MPRIP: variants seen among roughly 807,000 people sequenced by gnomAD.
MPRIP encodes the protein myosin phosphatase Rho interacting protein.
A neutral mutation model predicts 234.9 loss-of-function variants in MPRIP; 59 were observed. That is an observed-to-expected ratio of 0.25 (90% CI 0.20 to 0.31). The LOEUF (loss-of-function observed/expected upper bound fraction) is 0.31, where lower values mean the gene tolerates loss of function less well. Among genes scored for constraint, MPRIP ranks in the 10% least tolerant of loss-of-function variants. The pLI, the probability that MPRIP is intolerant of heterozygous loss-of-function variation, is 1.00. For missense variants in MPRIP, 2,436 were observed against 3,071.0 expected, an observed-to-expected ratio of 0.79 and a Z score of 4.89; for synonymous variants, 1,144 against 1,263.9, an observed-to-expected ratio of 0.91 and a Z score of 2.01.
rs1024018057 is a variant in MPRIP, at chr17:17,138,249, T to G, written c.1070T>G (p.Leu357Arg). 4 of 563,166 alleles carry G rather than the reference T, an allele frequency of 7.1e-6. No homozygotes were observed. 34.9% of individuals were successfully genotyped at this position (563,166 alleles called of 1,614,324 possible). A position where few individuals can be genotyped will look rare whatever the true frequency, so the allele number is the denominator to read the frequency against. The stretch of plus-strand genomic sequence containing the variant: ...ACTAGGGGGCGGGGGACAGAGAGAC[T>G]GGGGAGCGCCTTTGCCTTTAAAGCC... The part of the protein sequence containing the change: ...GSTRGRGTER[L>R]GSAFAFKASR... The change falls in exon 7 of 24, where the codon CTG becomes CGG. Residue 357 changes from leucine (L) to arginine (R), a missense_variant. Transcript: ENST00000651222. This position sits in a 1 kb window ranked among gnomAD's most constrained non-coding sequence, Gnocchi z 5.8.
chr17:17,085,237 G>GAAGCCC (rs2089559567), intron 3 of MPRIP, among the ~76,000 whole-genome samples: 1 of 152,208 alleles, frequency 6.6e-6, no homozygotes, highest in African/African-American at 2.4e-5. Flanking sequence ...CGGACCACAG[G>GAAGCCC]AAGCCCTGTG....
Position 17,165,075 on chromosome 17 carries a change from C to G in MPRIP, c.3484C>G (p.Leu1162Val). The change falls in exon 16 of 24, where the codon CTG becomes GTG. Residue 1162 changes from leucine to valine, a missense_variant. Coordinates refer to ENST00000651222, the MANE Select transcript of MPRIP (RefSeq NM_001364716.4). ...VSSQLQSMHT[L>V]LREKEEELER... Reference sequence around the variant, plus strand: ...CAGCCAGCTGCAGAGCATGCACACTCTGCTGAGAGAGAAGGAGGAAGAGCT... The same window carrying G: ...CAGCCAGCTGCAGAGCATGCACACTGTGCTGAGAGAGAAGGAGGAAGAGCT... 1 of 1,303,282 alleles carries G rather than the reference C, an allele frequency of 7.7e-7. No individual in the cohort carries two copies. Among genetic ancestry groups the G allele is most frequent in the Non-Finnish European group, 1.0e-6 (1 of 988,964 alleles). 80.7% of individuals were successfully genotyped at this position (1,303,282 alleles called of 1,614,324 possible). A position where few individuals can be genotyped will look rare whatever the true frequency, so the allele number is the denominator to read the frequency against.
intron 12 of MPRIP, among the ~76,000 whole-genome samples, chr17:17,152,797 G>A (rs1413275150): frequency 1.3e-5 from 2 of 152,222 alleles, no homozygotes; most frequent in East Asian, 1.9e-4. Flanking sequence ...AGGCTGGCAC[G>A]GTAAAGCTGG....
rs921152099 is a variant in MPRIP, at chr17:17,173,970, G to T, written c.6645G>T (p.Ser2215=). Residue 2215 remains serine, a synonymous_variant, in exon 19 of 24, where the codon TCG becomes TCT. Transcript: ENST00000651222. The part of the protein sequence containing the change: ...RELEVLSEQY[S]QKCLENAHLA... ...TGGAGGTCCTCTCGGAGCAGTACTC[G>T]CAGAAGTGCCTGGAGAATGCCCATC... 1 of 1,613,718 alleles carries T rather than the reference G, an allele frequency of 6.2e-7. No individual in the cohort carries two copies. Among genetic ancestry groups the T allele is most frequent in the Non-Finnish European group, 8.5e-7 (1 of 1,180,030 alleles).
At chr17:17,096,292 T>G (rs1278732903) in intron 3 of MPRIP, among the ~76,000 whole-genome samples, 2 of 1,854 alleles carry the variant, frequency 1.1e-3, no homozygotes, top group African/African-American at 2.8e-3. Flanking sequence ...GTGCAGGGTG[T>G]GTGTGTGTGT....
chr17:17,060,671 G>C (rs2088842189), intron 1 of MPRIP, among the ~76,000 whole-genome samples: 1 of 152,206 alleles, frequency 6.6e-6, no homozygotes, highest in Admixed American at 6.5e-5. Flanking sequence ...CCTCCCTGCA[G>C]AATGCATTCC....
rs1222820907 is a variant in MPRIP, at chr17:17,189,436, G to C, written c.*4542G>C. On this transcript the variant is annotated 3_prime_UTR_variant, in exon 24 of 24. Coordinates refer to ENST00000651222, the MANE Select transcript of MPRIP (RefSeq NM_001364716.4). Reference sequence around the variant, plus strand: ...GATTTCCTGACCTCGTGATCCGCCTGTCTCGGCCTCCCAAAGTGCTGGGAT... The same window carrying C: ...GATTTCCTGACCTCGTGATCCGCCTCTCTCGGCCTCCCAAAGTGCTGGGAT... The C allele has an allele frequency of 2.0e-5, 3 of 151,876 alleles. No individual in the cohort carries two copies. Among genetic ancestry groups the C allele is most frequent in the African/African-American group, 7.3e-5 (3 of 41,348 alleles). 9.4% of individuals were successfully genotyped at this position (151,876 alleles called of 1,614,324 possible).
intron 3 of MPRIP, among the ~76,000 whole-genome samples, chr17:17,086,797 C>G (rs866806860): frequency 2.0e-5 from 3 of 152,160 alleles, no homozygotes; most frequent in African/African-American, 7.2e-5. Context: ...TGAAAGTTCA[C>G]CCATTTGAGT....
chr17:17,142,768 G>A lies in MPRIP; in HGVS notation c.1389+3G>A. ...AGAGGGCGTTCCCTAGGAAGCGGGT[G>A]AGCTCCTGGGGCTGGGCAGCACCTC... On this transcript the variant is annotated splice_donor_region_variant and intron_variant, in intron 8 of 23. Coordinates refer to ENST00000651222, the MANE Select transcript of MPRIP (RefSeq NM_001364716.4). 6.2e-7 allele frequency: 1 copy of A among 1,611,932 alleles called. No homozygotes were observed. Among genetic ancestry groups the A allele is most frequent in the Non-Finnish European group, 8.5e-7 (1 of 1,179,478 alleles).
intron 5 of MPRIP, among the ~76,000 whole-genome samples, chr17:17,135,531 A>C (rs1426577110): frequency 6.6e-6 from 1 of 151,998 alleles, no homozygotes; most frequent in Non-Finnish European, 1.5e-5. Flanking sequence ...AATAATAGAA[A>C]TTTTTCTCAC....
chr17:17,148,329 TG>T lies in MPRIP; in HGVS notation c.1629+944del, dbSNP rs200460603. The stretch of plus-strand genomic sequence containing the variant: ...CCCTGAGGCCCTTTCAGGAGAGCAG[TG>T]GTGGTTAAAATAATTTGTAATATTA... On this transcript the variant is annotated intron_variant, in intron 11 of 23. Transcript: ENST00000651222. Among the ~76,000 whole-genome samples the T allele has an allele frequency of 5.9e-5, 9 of 152,162 alleles. No homozygotes were observed. In the East Asian group the frequency reaches 1.4e-3, roughly 23 times the overall value.
chr17:17,065,799 T>C (rs1350985009), intron 1 of MPRIP, among the ~76,000 whole-genome samples: 1 of 152,214 alleles, frequency 6.6e-6, no homozygotes, highest in Admixed American at 6.5e-5. Context: ...ACACATTATG[T>C]CTCTCTTATT....
intron 23 of MPRIP, chr17:17,181,759 C>T (rs1162856044): frequency 2.0e-5 from 3 of 152,168 alleles, no homozygotes; most frequent in Non-Finnish European, 4.4e-5. Context: ...GACCGGCTGT[C>T]ACTGACAGGA....
chr17:17,109,858 CAG>C (rs1455206978), intron 3 of MPRIP, among the ~76,000 whole-genome samples: 2 of 152,148 alleles, frequency 1.3e-5, no homozygotes, highest in East Asian at 1.9e-4. Context: ...GGGGGTGTGT[CAG>C]GGGGACATGG....
intron 1 of MPRIP, among the ~76,000 whole-genome samples, chr17:17,048,519 G>T (rs2143826067): frequency 6.6e-6 from 1 of 152,238 alleles, no homozygotes; most frequent in Middle Eastern, 3.4e-3. Context: ...TGTGTTGCTT[G>T]GCAGGGAGCG....
intron 7 of MPRIP, chr17:17,141,495 A>G (rs2090816190): frequency 6.6e-6 from 1 of 152,250 alleles, no homozygotes; most frequent in Admixed American, 6.5e-5. Flanking sequence ...TGAGGAAGAC[A>G]CTTTGTGTCT....
chr17:17,065,561 CAGTCTTCATTACTGTGGATATAT>C (rs2088999034), intron 1 of MPRIP, among the ~76,000 whole-genome samples: 1 of 152,080 alleles, frequency 6.6e-6, no homozygotes, highest in Non-Finnish European at 1.5e-5. Context: ...CAATACCACA[CAGTCTTCATTACTGTGGATATAT>C]AATAAGTCTT....
At chr17:17,100,501 A>G (rs1281536152) in intron 3 of MPRIP, among the ~76,000 whole-genome samples, 2 of 152,150 alleles carry the variant, frequency 1.3e-5, no homozygotes, top group African/African-American at 4.8e-5. Flanking sequence ...AGGCAGGTCC[A>G]TGGCTTATTA....
intron 1 of MPRIP, among the ~76,000 whole-genome samples, chr17:17,061,568 C>A (rs1403053492): frequency 1.3e-5 from 2 of 152,242 alleles, no homozygotes; most frequent in Non-Finnish European, 2.9e-5. Flanking sequence ...AGTGCAGCCC[C>A]CACCCCCACC....
Sources: gnomAD v4.1 joint callset for allele counts (sites outside exome capture counted in the v4.1 genomes callset) on GRCh38, gnomAD v4.1.1 for gene constraint, Gnocchi (gnomAD v3.1) non-coding constraint, MANE v1.5 for transcripts, NCBI Gene and HGNC (gene_info 2026-07-23, HGNC 2026-07-21) for gene names.